TBC1D30: variants seen among roughly 807,000 people sequenced by gnomAD.
TBC1D30 encodes the protein TBC1 domain family member 30.
A neutral mutation model predicts 63.2 loss-of-function variants in TBC1D30; 31 were observed. That is an observed-to-expected ratio of 0.49 (90% confidence interval 0.37 to 0.66). TBC1D30 has a LOEUF of 0.66. Ranked by LOEUF, TBC1D30 falls within the 30% of genes least tolerant of loss-of-function variation. The pLI is 0.00. For missense variants in TBC1D30, 810 were observed against 953.6 expected (o/e 0.85, Z 1.98); for synonymous variants, 307 against 361.5 (o/e 0.85, Z 1.71).
chr12:64,784,314 A>C (rs1461965795), intron 1 of TBC1D30, among the ~76,000 whole-genome samples: 1 of 152,112 alleles, frequency 6.6e-6, no homozygotes, highest in Admixed American at 6.6e-5. Context: ...CTGATCCAAA[A>C]GCAGTCCTTT....
chr12:64,840,411 T>C (rs1875767312), intron 7 of TBC1D30, among the ~76,000 whole-genome samples: 1 of 152,240 alleles, frequency 6.6e-6, no homozygotes, highest in African/African-American at 2.4e-5. Flanking sequence ...AAAGAGGTTA[T>C]CCTGGTTTTA....
chr12:64,787,875 A>C (rs533080783), intron 2 of TBC1D30, among the ~76,000 whole-genome samples: 1 of 152,264 alleles, frequency 6.6e-6, no homozygotes, highest in Admixed American at 6.5e-5. Flanking sequence ...ATCTCTACTA[A>C]AAATATAAAA....
intron 8 of TBC1D30, among the ~76,000 whole-genome samples, chr12:64,859,025 T>G (rs1592647715): frequency 6.6e-6 from 1 of 151,932 alleles, no homozygotes; most frequent in East Asian, 1.9e-4. Flanking sequence ...CTAGGCTGTG[T>G]GTGTGTGTGT....
chr12:64,772,805 C>G (rs1287043469), intron 1 of TBC1D30, among the ~76,000 whole-genome samples: 3 of 152,036 alleles, frequency 2.0e-5, no homozygotes, highest in African/African-American at 7.2e-5. Flanking sequence ...GACTCTGTCT[C>G]TAAAAAAAGA....
intron 7 of TBC1D30, among the ~76,000 whole-genome samples, chr12:64,842,205 A>G (rs1169273521): frequency 2.0e-5 from 3 of 152,150 alleles, no homozygotes; most frequent in African/African-American, 7.2e-5. Context: ...TAAAAATACA[A>G]AAAACCAGCA....
rs1871545873 is a variant in TBC1D30, at chr12:64,785,947, T to G, written c.545T>G (p.Leu182Ter). ...AGAATTGGCATCCAGTCGGCCAAGT[T>G]ACTTCGGCATCTGAAGCAGAAAGAT... Residue 182 changes from leucine (L) to a stop codon, truncating the protein, a stop_gained, in exon 2 of 13, where the codon TTA (leucine) becomes TGA (stop). Transcript: ENST00000542120. LOFTEE classifies it high-confidence loss of function. The G allele has an allele frequency of 7.8e-7, 1 of 1,289,754 alleles. No individual in the cohort carries two copies. The highest frequency in any genetic ancestry group is 2.3e-5 in the Admixed American group (1 of 43,556). The allele number at this position is 1,289,754 out of a possible 1,614,324, so 79.9% of individuals were successfully genotyped here.
chr12:64,875,463 C>A lies in TBC1D30; in HGVS notation c.1961C>A (p.Ala654Glu). 6.5e-7 allele frequency: 1 copy of A among 1,536,136 alleles called. No individual in the cohort carries two copies. Among genetic ancestry groups the A allele is most frequent in the South Asian group, 1.2e-5 (1 of 84,060 alleles). ...DADVDVSAVQ[A>E]KLGALELNQR... is the part of the protein sequence containing the mutation. ...GATGTGGATGTGTCTGCAGTTCAGG[C>A]GAAGTTGGGAGCCCTGGAACTGAAC... Residue 654 changes from alanine (A) to glutamate (E), a missense_variant, in exon 12 of 12, where the codon GCG (alanine) becomes GAG (glutamate). Transcript: ENST00000539867.
intron 8 of TBC1D30, among the ~76,000 whole-genome samples, chr12:64,852,524 C>T (rs539836451): frequency 5.9e-5 from 9 of 152,148 alleles, no homozygotes; most frequent in African/African-American, 1.9e-4. Context: ...GTTTTGTTCC[C>T]TTGCTGGTGA....
intron 1 of TBC1D30, among the ~76,000 whole-genome samples, chr12:64,785,689 T>C (rs928895618): frequency 3.3e-5 from 5 of 152,216 alleles, no homozygotes; most frequent in African/African-American, 1.2e-4. Context: ...ATCTGTCTCA[T>C]GGACAGGGCA....
rs1056656587 is a variant in TBC1D30, at chr12:64,870,615, G to A, written c.1305G>A (p.Glu435=). 18 of 1,536,052 alleles carry A rather than the reference G, an allele frequency of 1.2e-5. No homozygotes were observed. In the African/African-American group the frequency reaches 1.9e-4, roughly 16 times the overall value. Residue 435 remains glutamate, a synonymous_variant, in exon 11 of 12, where the codon GAG becomes GAA. Coordinates refer to ENST00000539867, the MANE Select transcript of TBC1D30 (RefSeq NM_015279.2). ...CTTCGAGCGCAGAGCCAAATGAGGA[G>A]CAGAGTCTGAGATCTAATAACATTG... ...YQKQIKEPNE[E]QSLRSNNIAE...
At chr12:64,791,301 T>G (rs1871906254) in intron 2 of TBC1D30, among the ~76,000 whole-genome samples, 2 of 152,160 alleles carry the variant, frequency 1.3e-5, no homozygotes, top group African/African-American at 4.8e-5. Context: ...GGTATAGGTT[T>G]CTTATTGGTG....
At chr12:64,781,271 T>A in exon 1 of TBC1D30, 1 of 1,147,968 alleles carries the variant, frequency 8.7e-7, no homozygotes, top group Non-Finnish European at 1.1e-6. Flanking sequence ...TCAGATGCTG[T>A]ACCTGCGGCA....
intron 2 of TBC1D30, among the ~76,000 whole-genome samples, chr12:64,791,710 A>G (rs12299380): frequency 3.1e-4 from 46 of 149,520 alleles, no homozygotes; most frequent in Admixed American, 6.7e-4. Flanking sequence ...GTGTGTGTGT[A>G]TATATATATA....
At chr12:64,824,466 C>T (rs115014657), upstream of TBC1D30, 1,140 of 169,170 alleles carry the variant, frequency 6.7e-3, 14 homozygotes, top group African/African-American at 0.026. Flanking sequence ...TTTTGGTCCC[C>T]GAACGCAGTT....
chr12:64,799,520 T>A (rs1025500111), intron 2 of TBC1D30, among the ~76,000 whole-genome samples: 1 of 152,222 alleles, frequency 6.6e-6, no homozygotes, highest in Non-Finnish European at 1.5e-5. Context: ...TTTTCACTTA[T>A]AAAAGAAATT....
intron 2 of TBC1D30, among the ~76,000 whole-genome samples, chr12:64,800,067 T>C (rs914727502): frequency 6.6e-6 from 1 of 152,030 alleles, no homozygotes; most frequent in African/African-American, 2.4e-5. Context: ...GATCGCGTCA[T>C]TACACTCCAG....
intron 1 of TBC1D30, among the ~76,000 whole-genome samples, chr12:64,769,167 TAGAA>T (rs1008786069): frequency 1.4e-4 from 21 of 151,942 alleles, no homozygotes; most frequent in African/African-American, 4.6e-4. Context: ...AAAAAAAAAT[TAGAA>T]AGAAATTTTA....
chr12:64,828,267 C>A (rs182415246), intron 2 of TBC1D30, among the ~76,000 whole-genome samples, 177 bp from the exon 3 acceptor site: 1 of 152,168 alleles, frequency 6.6e-6, no homozygotes, highest in Non-Finnish European at 1.5e-5. Context: ...AGGGGTGGGA[C>A]GTGGCACAGT....
At chr12:64,858,595 A>G (rs1369133951) in intron 8 of TBC1D30, among the ~76,000 whole-genome samples, 1 of 152,150 alleles carries the variant, frequency 6.6e-6, no homozygotes, top group Non-Finnish European at 1.5e-5. Flanking sequence ...GGGGCCCAGC[A>G]TTTTGCTACC....
Sources: gnomAD v4.1 joint callset for allele counts (sites outside exome capture counted in the v4.1 genomes callset) on GRCh38, gnomAD v4.1.1 for gene constraint, MANE v1.5 for transcripts, NCBI Gene and HGNC (gene_info 2026-07-23, HGNC 2026-07-21) for gene names.